Variants in LRRC34 observed in about 807,000 individuals in gnomAD.
LRRC34 encodes leucine rich repeat containing 34.
LRRC34 carries 44 observed loss-of-function variants against 48.5 expected under a neutral mutation model. The ratio of observed to expected loss-of-function variants is 0.91; its 90% CI spans 0.71 to 1.17. The LOEUF is 1.17. Among genes scored for constraint, LRRC34 ranks in the 50% most tolerant of loss-of-function variants. The probability of loss-of-function intolerance (pLI) is 0.00; values close to 1 mark genes in which losing one functional copy is unlikely to be tolerated. For synonymous variants in LRRC34, 192 were observed against 197.6 expected (o/e 0.97, Z 0.24); for missense variants, 502 against 563.0 (o/e 0.89, Z 1.10).
chr3:169,800,348 T>C (rs577032563), intron 7 of LRRC34, among the ~76,000 whole-genome samples: 23 of 152,358 alleles, frequency 1.5e-4, no homozygotes, highest in African/African-American at 5.3e-4. Context: ...CTTTAAAACC[T>C]TCACTATTTA....
At chr3:169,806,534 T>C (rs143718194) in intron 5 of LRRC34, among the ~76,000 whole-genome samples, 4 of 152,214 alleles carry the variant, frequency 2.6e-5, no homozygotes, top group African/African-American at 2.4e-5. Context: ...GCTTTTCTTT[T>C]TGGGGTGATA....
Position 169,812,452 on chromosome 3 carries a change from T to C in LRRC34, c.97A>G (p.Thr33Ala). 1 of 1,531,820 alleles carries C rather than the reference T, an allele frequency of 6.5e-7. No individual in the cohort carries two copies. The allele number at this position is 1,531,820 out of a possible 1,614,324, so 94.9% of individuals were successfully genotyped here. A position where few individuals can be genotyped will look rare whatever the true frequency, so the allele number is the denominator to read the frequency against. The change falls in exon 1 of 11, where the codon ACT becomes GCT. Residue 33 changes from threonine (T) to alanine (A), a missense_variant. Physicochemically the swap from Thr to Ala is moderately conservative, Grantham distance 58 (BLOSUM62 0). Transcript: ENST00000446859. This position sits in a 1 kb window ranked among gnomAD's most constrained non-coding sequence, Gnocchi z 4.3. ...GCCGCGCCCGGAGTACTGGCCTGAGTGGAGGCCCAAGCCGGGGACCTGGCC... is the reference window on the plus strand; with the variant it reads ...GCCGCGCCCGGAGTACTGGCCTGAGCGGAGGCCCAAGCCGGGGACCTGGCC... ...APARSPAWAS[T>A]QASTPGAALA...
chr3:169,810,669 T>TACTAAAATAAACAAA (rs1490494122), intron 1 of LRRC34, among the ~76,000 whole-genome samples: 2 of 152,174 alleles, frequency 1.3e-5, no homozygotes, highest in Non-Finnish European at 2.9e-5. Context: ...GTCTGAGAAG[T>TACTAAAATAAACAAA]ACTAAAATAA....
chr3:169,796,215 C>T lies in LRRC34; in HGVS notation c.1063G>A (p.Ala355Thr). The T allele has an allele frequency of 6.3e-7, 1 of 1,599,960 alleles. No homozygotes were observed. Among genetic ancestry groups the T allele is most frequent in the Non-Finnish European group, 8.5e-7 (1 of 1,176,530 alleles). ...GATTAAATATAAAACCATACTAACG[C>T]TTTAAGACTCCTGTTGTGTGAAGTA... ...TLTSHNRSLK[A>T]LSVVSNNIEG... The change falls in exon 9 of 11, where the codon GCG becomes ACG. Residue 355 changes from alanine to threonine, a missense_variant and splice_region_variant. Physicochemically the swap from Ala to Thr is moderately conservative, Grantham distance 58. Coordinates refer to ENST00000446859, the MANE Select transcript of LRRC34 (RefSeq NM_001172779.2).
At chr3:169,805,627 G>T (rs1779342277) in intron 5 of LRRC34, among the ~76,000 whole-genome samples, 1 of 152,024 alleles carries the variant, frequency 6.6e-6, no homozygotes, top group Admixed American at 6.6e-5. Context: ...GCTCATGCCT[G>T]TAATCCCAGC....
chr3:169,800,462 A>G (rs1779149650), intron 7 of LRRC34, among the ~76,000 whole-genome samples, 197 bp downstream of exon 7: 1 of 152,234 alleles, frequency 6.6e-6, no homozygotes, highest in Admixed American at 6.5e-5. Context: ...CAATATCTAA[A>G]AGCATATTTA....
chr3:169,804,591 A>G (rs1213720765), intron 5 of LRRC34, among the ~76,000 whole-genome samples: 3 of 144,852 alleles, frequency 2.1e-5, no homozygotes, highest in Non-Finnish European at 4.6e-5. Context: ...CACCGCGCCC[A>G]GCCAGAAGAG....
chr3:169,802,926 G>A (rs532174417), intron 6 of LRRC34, among the ~76,000 whole-genome samples: 10 of 151,792 alleles, frequency 6.6e-5, no homozygotes, highest in Non-Finnish European at 1.5e-4. Context: ...GCAGTGAGCC[G>A]AGATCACGCC....
intron 5 of LRRC34, among the ~76,000 whole-genome samples, chr3:169,805,674 C>T (rs1576744440): frequency 6.6e-6 from 1 of 151,856 alleles, no homozygotes. Flanking sequence ...AATCTGAGGT[C>T]GGGAGTTTGA....
intron 7 of LRRC34, among the ~76,000 whole-genome samples, chr3:169,798,190 G>A (rs1306373104): frequency 1.3e-5 from 2 of 152,192 alleles, no homozygotes; most frequent in African/African-American, 4.8e-5. Context: ...AACTCAGTAC[G>A]TTTTTGTGTT....
At chr3:169,799,928 G>C (rs1184849936) in intron 7 of LRRC34, among the ~76,000 whole-genome samples, 1 of 152,056 alleles carries the variant, frequency 6.6e-6, no homozygotes. Flanking sequence ...GGCCAGGCTG[G>C]TCTCAAACTC....
chr3:169,794,052 TTA>T, intron 10 of LRRC34: 1 of 436,722 alleles, frequency 2.3e-6, no homozygotes, highest in Non-Finnish European at 4.0e-6. Flanking sequence ...ATTGCAAAAC[TTA>T]TTTCTAACTT....
rs775583709 is a variant in LRRC34 at position 169,807,594 on chromosome 3, T to C, written c.373A>G (p.Ile125Val). 3 of 1,612,288 alleles carry C rather than the reference T, an allele frequency of 1.9e-6. No homozygotes were observed. Among genetic ancestry groups the C allele is most frequent in the East Asian group, 4.5e-5 (2 of 44,824 alleles). Reference protein sequence around the residue: ...LSKILKNCLYINGLDVGYNLL... With the variant: ...LSKILKNCLYVNGLDVGYNLL... Reference sequence around the variant, plus strand: ...GATTCTTATGGAAACATACCATTAATATACAGACAATTCTTTAAAATTTTG... The same window carrying C: ...GATTCTTATGGAAACATACCATTAACATACAGACAATTCTTTAAAATTTTG... Residue 125 changes from isoleucine to valine, a missense_variant, in exon 3 of 11, where the codon ATT (isoleucine) becomes GTT (valine). Transcript: ENST00000446859.
chr3:169,797,380 A>T, intron 7 of LRRC34, among the ~76,000 whole-genome samples: 1 of 152,150 alleles, frequency 6.6e-6, no homozygotes, highest in East Asian at 1.9e-4. Context: ...TACACTCATT[A>T]ACCCTGTGAT....
At chr3:169,794,033 A>G in intron 10 of LRRC34, 195 bp from the exon 11 acceptor site, 1 of 470,708 alleles carries the variant, frequency 2.1e-6, no homozygotes, top group South Asian at 3.7e-5. Context: ...CACAGAATGA[A>G]ATTATAATAT....
chr3:169,802,631 C>T (rs1341061200), intron 6 of LRRC34, among the ~76,000 whole-genome samples: 4 of 152,020 alleles, frequency 2.6e-5, no homozygotes, highest in Admixed American at 2.0e-4. Flanking sequence ...TGATAAGTAC[C>T]GAATTAATGT....
At chr3:169,800,788 A>G in intron 6 of LRRC34, 34 bp from the exon 7 acceptor site, 1 of 1,264,184 alleles carries the variant, frequency 7.9e-7, no homozygotes, top group Non-Finnish European at 1.1e-6. Context: ...GGAAACAGAC[A>G]AAGTATATAA....
intron 4 of LRRC34, 106 bp downstream of exon 4, chr3:169,807,320 G>T: frequency 9.1e-7 from 1 of 1,094,128 alleles, no homozygotes; most frequent in Non-Finnish European, 1.4e-6. Flanking sequence ...CTAGCACAGA[G>T]TCAGGACCCT....
intron 4 of LRRC34, 41 bp downstream of exon 4, chr3:169,807,385 A>C: frequency 6.4e-7 from 1 of 1,568,972 alleles, no homozygotes; most frequent in Non-Finnish European, 8.8e-7. Flanking sequence ...AATTGGTTTC[A>C]TTGTAAATGG....
Sources: gnomAD v4.1 joint callset for allele counts (sites outside exome capture counted in the v4.1 genomes callset) on GRCh38, gnomAD v4.1.1 for gene constraint, Gnocchi (gnomAD v3.1) non-coding constraint, MANE v1.5 for transcripts, NCBI Gene and HGNC (gene_info 2026-07-23, HGNC 2026-07-21) for gene names.